GXYLT2: variants seen among roughly 807,000 people sequenced by gnomAD.
GXYLT2 encodes the protein glycosyltransferase 8 domain containing 4.
A neutral mutation model predicts 45.8 loss-of-function variants in GXYLT2; 53 were observed. The observed-to-expected ratio is 1.16, with a 90% confidence interval of 0.93 to 1.46. GXYLT2 has a LOEUF of 1.46. Among genes scored for constraint, GXYLT2 ranks in the 40% most tolerant of loss-of-function variants. GXYLT2 has a pLI of 0.00. For missense variants in GXYLT2, 551 were observed against 544.4 expected (o/e 1.01, Z -0.12); for synonymous variants, 219 against 214.2 (o/e 1.02, Z -0.19).
chr3:72,892,785 G>T (rs2107056747), intron 1 of GXYLT2, among the ~76,000 whole-genome samples: 1 of 152,268 alleles, frequency 6.6e-6, no homozygotes, highest in South Asian at 2.1e-4. Context: ...GCACATTAAA[G>T]GTGTCTGGAT....
intron 1 of GXYLT2, among the ~76,000 whole-genome samples, chr3:72,904,912 A>G (rs1225430896): frequency 6.7e-6 from 1 of 148,966 alleles, no homozygotes; most frequent in Non-Finnish European, 1.5e-5. Flanking sequence ...ACCAGGTGTG[A>G]TGGCCTTCGG....
chr3:72,964,279 T>C (rs1267453399), intron 5 of GXYLT2, among the ~76,000 whole-genome samples: 1 of 152,134 alleles, frequency 6.6e-6, no homozygotes, highest in Non-Finnish European at 1.5e-5. Context: ...CTGGGCTCAG[T>C]CCTCTAAGGA....
chr3:72,912,448 C>T (rs568037039), intron 2 of GXYLT2, among the ~76,000 whole-genome samples: 1 of 152,110 alleles, frequency 6.6e-6, no homozygotes. Context: ...CATGCCTTGC[C>T]TGTTTGTGAT....
intron 3 of GXYLT2, among the ~76,000 whole-genome samples, chr3:72,939,107 C>A (rs891289818): frequency 1.3e-5 from 2 of 151,998 alleles, no homozygotes; most frequent in African/African-American, 4.8e-5. Context: ...CCTGTGCCAC[C>A]CCATTTTAAG....
At chr3:72,965,190 A>G (rs1461245760) in intron 5 of GXYLT2, among the ~76,000 whole-genome samples, 1 of 152,204 alleles carries the variant, frequency 6.6e-6, no homozygotes, top group Admixed American at 6.5e-5. Flanking sequence ...GTTATGAGCA[A>G]TTAGAAATTT....
Position 72,967,601 on chromosome 3 carries a change from A to G in GXYLT2, c.1031A>G (p.Tyr344Cys). 6.2e-7 allele frequency: 1 copy of G among 1,613,724 alleles called. No individual in the cohort carries two copies. Among genetic ancestry groups the G allele is most frequent in the Non-Finnish European group, 8.5e-7 (1 of 1,179,678 alleles). The stretch of plus-strand genomic sequence containing the variant: ...AACTACCGTCCCGATCACTGCATGT[A>G]CGGAAGCAACTGCAGAGAGGCTGAG... ...QWNYRPDHCM[Y>C]GSNCREAEHE... Residue 344 changes from tyrosine to cysteine, a missense_variant, in exon 6 of 7, where the codon TAC becomes TGC. Coordinates refer to ENST00000389617, the MANE Select transcript of GXYLT2 (RefSeq NM_001080393.2).
chr3:72,968,442 A>G (rs1182492659), intron 6 of GXYLT2, among the ~76,000 whole-genome samples: 2 of 152,258 alleles, frequency 1.3e-5, no homozygotes, highest in Non-Finnish European at 2.9e-5. Flanking sequence ...CAAGGTGTTC[A>G]GTTACAACAA....
At chr3:72,961,081 C>G (rs1384608114) in intron 5 of GXYLT2, among the ~76,000 whole-genome samples, 1 of 152,148 alleles carries the variant, frequency 6.6e-6, no homozygotes, top group East Asian at 1.9e-4. Flanking sequence ...TGCATAATTG[C>G]AGTGCTGGGT....
intron 3 of GXYLT2, among the ~76,000 whole-genome samples, chr3:72,941,788 A>G (rs1379372010): frequency 1.3e-5 from 2 of 152,192 alleles, no homozygotes; most frequent in Non-Finnish European, 2.9e-5. Flanking sequence ...AAAAAAAGGA[A>G]AAGATAAAAA....
chr3:72,905,369 C>G (rs777953517), intron 1 of GXYLT2, among the ~76,000 whole-genome samples: 1 of 152,158 alleles, frequency 6.6e-6, no homozygotes, highest in African/African-American at 2.4e-5. Context: ...CTGCCCGCCT[C>G]GAACTCCTGC....
intron 2 of GXYLT2, among the ~76,000 whole-genome samples, chr3:72,913,430 C>T (rs1346324075): frequency 6.6e-6 from 1 of 151,768 alleles, no homozygotes; most frequent in Non-Finnish European, 1.5e-5. Flanking sequence ...CATGATGGCT[C>T]ACGCCTGTAA....
At chr3:72,926,294 C>G (rs955546) in intron 3 of GXYLT2, among the ~76,000 whole-genome samples, 82,580 of 152,026 alleles carry the variant, frequency 0.54, 24,055 homozygotes, top group Admixed American at 0.63. Flanking sequence ...TAGTGTGATT[C>G]AGATCCCACC....
chr3:72,938,368 C>T (rs1393494315), intron 3 of GXYLT2, among the ~76,000 whole-genome samples: 1 of 152,292 alleles, frequency 6.6e-6, no homozygotes, highest in East Asian at 1.9e-4. Context: ...GTGCTGAGCC[C>T]TGAACCCAGT....
At chr3:72,893,292 C>T (rs551945267) in intron 1 of GXYLT2, among the ~76,000 whole-genome samples, 2 of 152,336 alleles carry the variant, frequency 1.3e-5, no homozygotes, top group South Asian at 4.1e-4. Flanking sequence ...CACTGGGCTT[C>T]AAATACACCA....
chr3:72,893,625 A>G (rs1323140936), intron 1 of GXYLT2, among the ~76,000 whole-genome samples: 2 of 152,238 alleles, frequency 1.3e-5, no homozygotes, highest in African/African-American at 2.4e-5. Flanking sequence ...CAGATATTCA[A>G]TAAATACTTG....
intron 5 of GXYLT2, among the ~76,000 whole-genome samples, chr3:72,959,002 G>A: frequency 6.7e-6 from 1 of 149,216 alleles, no homozygotes; most frequent in South Asian, 2.1e-4. Flanking sequence ...GTGTGCAGTG[G>A]TGCAATTATG....
At chr3:72,949,193 A>G (rs1710467452) in intron 3 of GXYLT2, among the ~76,000 whole-genome samples, 1 of 152,134 alleles carries the variant, frequency 6.6e-6, no homozygotes, top group South Asian at 2.1e-4. Flanking sequence ...GCCCACTTGG[A>G]CAGCCTGATC....
chr3:72,956,517 A>G (rs1167445679), intron 4 of GXYLT2, among the ~76,000 whole-genome samples: 1 of 152,176 alleles, frequency 6.6e-6, no homozygotes, highest in Non-Finnish European at 1.5e-5. Context: ...TTCACCTCAC[A>G]GTGAGGAAAT....
At chr3:72,922,366 C>G in intron 3 of GXYLT2, 31 bp downstream of exon 3, 1 of 1,595,430 alleles carries the variant, frequency 6.3e-7, no homozygotes, top group South Asian at 1.1e-5. Context: ...TAAGTTGTAG[C>G]TTGCTCCTGG....
Sources: gnomAD v4.1 joint callset for allele counts (sites outside exome capture counted in the v4.1 genomes callset) on GRCh38, gnomAD v4.1.1 for gene constraint, MANE v1.5 for transcripts, NCBI Gene and HGNC (gene_info 2026-07-23, HGNC 2026-07-21) for gene names.